Variants in TRAF2 observed in about 807,000 individuals in gnomAD.
TRAF2 encodes TNF receptor associated factor 2.
Under a neutral mutation model 55.6 loss-of-function variants are expected in TRAF2, and 6 were observed. That is an observed-to-expected ratio of 0.11 (90% CI 0.06 to 0.21). The LOEUF (loss-of-function observed/expected upper bound fraction) is 0.21. TRAF2 is among the 10% of genes least tolerant of loss of function. The pLI, the probability that TRAF2 is intolerant of heterozygous loss-of-function variation, is 1.00. For synonymous variants in TRAF2, 329 were observed against 276.3 expected (o/e 1.19, Z -1.89); for missense variants, 561 against 684.5 (o/e 0.82, Z 2.01).
chr9:136,891,151 C>T (rs745550762), intron 1 of TRAF2, among the ~76,000 whole-genome samples: 1 of 152,138 alleles, frequency 6.6e-6, no homozygotes, highest in African/African-American at 2.4e-5. Context: ...TGCTCTTGCT[C>T]AGGCTGGAGT....
intron 1 of TRAF2, among the ~76,000 whole-genome samples, chr9:136,889,902 T>C (rs1239638061): frequency 1.3e-5 from 2 of 152,056 alleles, no homozygotes; most frequent in Non-Finnish European, 2.9e-5. Context: ...ACCGCATGTG[T>C]GATAATCACC....
upstream of TRAF2, chr9:136,882,808 A>G: frequency 7.7e-6 from 7 of 914,154 alleles, no homozygotes; most frequent in Non-Finnish European, 9.2e-6. Context: ...CCGCTTCCCA[A>G]TCAGTGTGTG....
rs946305333 is a variant in TRAF2, at chr9:136,919,174, C to T, written c.679-1060C>T. Among the ~76,000 whole-genome samples the T allele has an allele frequency of 2.6e-5, 4 of 151,736 alleles. No homozygotes were observed. The East Asian group carries it at 7.7e-4, about 29-fold the overall frequency. On this transcript the variant is annotated intron_variant, in intron 7 of 10. Coordinates refer to ENST00000247668, the MANE Select transcript of TRAF2 (RefSeq NM_021138.4). ...CTCCTGGGTTCAAACTATTCTCATG[C>T]CTCAGTCTCCCGAGTAGCTGGAATT...
intron 4 of TRAF2, among the ~76,000 whole-genome samples, chr9:136,906,824 A>G (rs1432493913): frequency 6.6e-6 from 1 of 152,170 alleles, no homozygotes; most frequent in Non-Finnish European, 1.5e-5. Flanking sequence ...CTCCCCAGAC[A>G]CATCCTGAAT....
chr9:136,916,432 C>G lies in TRAF2; in HGVS notation c.604-109C>G, dbSNP rs1850242489. On this transcript the variant is annotated intron_variant, in intron 6 of 10. Coordinates refer to ENST00000247668, the MANE Select transcript of TRAF2 (RefSeq NM_021138.4). Reference sequence around the variant, plus strand: ...TTCATTCAGTGTGAGAGTGAAGAGGCCAACGGGGCAGGTCATGTAACCTCT... The same window carrying G: ...TTCATTCAGTGTGAGAGTGAAGAGGGCAACGGGGCAGGTCATGTAACCTCT... 7.2e-6 allele frequency: 8 copies of G among 1,106,982 alleles called. No homozygotes were observed. In the Admixed American group the frequency reaches 1.4e-4, roughly 19 times the overall value. 68.6% of individuals were successfully genotyped at this position (1,106,982 alleles called of 1,614,324 possible).
chr9:136,897,623 G>A (rs1170459166), intron 1 of TRAF2, among the ~76,000 whole-genome samples: 2 of 131,930 alleles, frequency 1.5e-5, no homozygotes, highest in East Asian at 2.3e-4. Context: ...GCTAAAGGGA[G>A]TGCACTAGGC....
intron 6 of TRAF2, 57 bp from the exon 7 acceptor site, chr9:136,916,484 A>C (rs556011590): frequency 6.4e-7 from 1 of 1,554,040 alleles, no homozygotes; most frequent in African/African-American, 1.4e-5. Context: ...TCCATGTGGA[A>C]GTGCTGAAAT....
intron 4 of TRAF2, chr9:136,902,093 C>T (rs1849833893): frequency 6.6e-6 from 1 of 152,288 alleles, no homozygotes; most frequent in Non-Finnish European, 1.5e-5. Flanking sequence ...ACTCCTACCT[C>T]TGTGGGCAGA....
intron 1 of TRAF2, among the ~76,000 whole-genome samples, chr9:136,893,813 A>G (rs1849628007): frequency 6.6e-6 from 1 of 151,806 alleles, no homozygotes; most frequent in Non-Finnish European, 1.5e-5. Context: ...GCAGTGGTGC[A>G]ATATCGGCTC....
Position 136,892,443 on chromosome 9 carries a change from G to A in TRAF2, c.-29+5902G>A, listed in dbSNP as rs368598552. On this transcript the variant is annotated intron_variant, in intron 1 of 10. Transcript: ENST00000247668. The stretch of plus-strand genomic sequence containing the variant: ...CGCGCCACTGCACTCCCGCCTGGGC[G>A]ACAGAGCGAGACTCCGTCTCAAAAA... 5.9e-5 allele frequency among the ~76,000 whole-genome samples: 9 copies of A among 152,216 alleles called. No individual in the cohort carries two copies. The East Asian group carries it at 1.5e-3, about 26-fold the overall frequency.
At chr9:136,892,305 A>G (rs1849596593) in intron 1 of TRAF2, among the ~76,000 whole-genome samples, 1 of 151,768 alleles carries the variant, frequency 6.6e-6, no homozygotes, top group Admixed American at 6.6e-5. Context: ...CTACTAAAAA[A>G]TACAAAAAAT....
chr9:136,893,523 G>C (rs963429970), intron 1 of TRAF2, among the ~76,000 whole-genome samples: 1 of 152,208 alleles, frequency 6.6e-6, no homozygotes, highest in Non-Finnish European at 1.5e-5. Context: ...AGTTTTGGCA[G>C]TCCACGTGTC....
At chr9:136,902,216 C>A (rs1311802044) in intron 4 of TRAF2, 1 of 152,296 alleles carries the variant, frequency 6.6e-6, no homozygotes, top group Non-Finnish European at 1.5e-5. Context: ...ACTCCCTGCT[C>A]CTTGAAAGAG....
At chr9:136,883,017 C>T (rs902549204), upstream of TRAF2, among the ~76,000 whole-genome samples, 1 of 151,940 alleles carries the variant, frequency 6.6e-6, no homozygotes, top group Admixed American at 6.6e-5. Flanking sequence ...ATTACAGGCA[C>T]CTGCCATCAT....
In TRAF2 at chr9:136,908,497, C is replaced by T. The variant is rs17244005; in HGVS notation, c.528+266C>T. ...CAGCGCTTTGGGAGGCTGAGGCGGG[C>T]GGATCACGAGGTCCGGAGTTGAAGA... On this transcript the variant is annotated intron_variant, in intron 5 of 10. Transcript: ENST00000247668. Among the ~76,000 whole-genome samples the T allele has an allele frequency of 0.037, 5,684 of 151,984 alleles. 149 individuals carry two copies. Among genetic ancestry groups the T allele is most frequent in the Non-Finnish European group, 0.055 (3,716 of 67,908 alleles).
At chr9:136,904,950 T>C (rs953979677) in intron 4 of TRAF2, among the ~76,000 whole-genome samples, 6 of 152,090 alleles carry the variant, frequency 3.9e-5, no homozygotes, top group South Asian at 2.1e-4. Context: ...CCGCTGGAGG[T>C]CTTGGAGGGC....
chr9:136,894,984 G>A (rs1301234473), intron 1 of TRAF2, among the ~76,000 whole-genome samples: 2 of 152,190 alleles, frequency 1.3e-5, no homozygotes, highest in African/African-American at 4.8e-5. Flanking sequence ...TGAGACCCCT[G>A]TTTCTAAAGA....
intron 7 of TRAF2, among the ~76,000 whole-genome samples, chr9:136,919,393 G>A (rs868616589): frequency 5.0e-5 from 7 of 138,994 alleles, no homozygotes; most frequent in African/African-American, 1.9e-4. Flanking sequence ...CCACCTCCCG[G>A]GTTCAAACAG....
At chr9:136,909,209 C>T (rs1168908918) in intron 5 of TRAF2, among the ~76,000 whole-genome samples, 6 of 22,508 alleles carry the variant, frequency 2.7e-4, no homozygotes, top group African/African-American at 1.5e-3. Flanking sequence ...AGTCTGACTT[C>T]GCCTTCCCCA....
Sources: allele counts gnomAD v4.1 joint callset (sites outside exome capture counted in the v4.1 genomes callset), GRCh38; gene constraint gnomAD v4.1.1; transcripts MANE v1.5; gene names NCBI Gene and HGNC (gene_info 2026-07-23, HGNC 2026-07-21).